Variants in CTSC observed in about 807,000 individuals in gnomAD.
The protein encoded by CTSC is cathepsin C.
Under a neutral mutation model 40.9 loss-of-function variants are expected in CTSC, and 37 were observed. That is an observed-to-expected ratio of 0.91 (90% confidence interval 0.70 to 1.19). The LOEUF is 1.19. Among genes scored for constraint, CTSC ranks in the 50% most tolerant of loss-of-function variants. The pLI, the probability that CTSC is intolerant of heterozygous loss-of-function variation, is 0.00. For missense variants in CTSC, 594 were observed against 567.3 expected (o/e 1.05, Z -0.48); for synonymous variants, 232 against 207.4 (o/e 1.12, Z -1.02).
At chr11:88,331,544 CATG>C (rs1459171073) in intron 2 of CTSC, among the ~76,000 whole-genome samples, 3 of 152,232 alleles carry the variant, frequency 2.0e-5, no homozygotes, top group Non-Finnish European at 4.4e-5. Context: ...ACCCTTCCAG[CATG>C]ATGAGTTCTT....
intron 4 of CTSC, among the ~76,000 whole-genome samples, chr11:88,303,897 G>A (rs1176520609): frequency 6.6e-6 from 1 of 152,020 alleles, no homozygotes; most frequent in African/African-American, 2.4e-5. Context: ...GCAGGTGAGA[G>A]GAGGGCGGAA....
intron 3 of CTSC, among the ~76,000 whole-genome samples, chr11:88,310,837 T>C (rs956609384): frequency 1.3e-5 from 2 of 152,214 alleles, no homozygotes; most frequent in Non-Finnish European, 2.9e-5. Flanking sequence ...ACTTTTGAGA[T>C]ATTTTCCCAC....
Position 88,294,334 on chromosome 11 carries a change from C to G in CTSC, c.1064G>C (p.Cys355Ser), listed in dbSNP as rs754766779. The G allele has an allele frequency of 1.2e-6, 2 of 1,614,154 alleles. No homozygotes were observed. Among genetic ancestry groups the G allele is most frequent in the East Asian group, 4.5e-5 (2 of 44,868 alleles). Residue 355 changes from cysteine to serine, a missense_variant, in exon 7 of 7, where the codon TGC becomes TCC. Cys to Ser is a moderately radical substitution (Grantham distance 112). Transcript: ENST00000227266. ...CTCAAGCTTCATCAGGGCTTCATTGCAGCCTCCATAGAAACCTCCTACATA... is the reference window on the plus strand; with the variant it reads ...CTCAAGCTTCATCAGGGCTTCATTGGAGCCTCCATAGAAACCTCCTACATA... ...YHYVGGFYGG[C>S]NEALMKLELV...
intron 2 of CTSC, among the ~76,000 whole-genome samples, chr11:88,320,031 T>C (rs1937963097): frequency 6.6e-6 from 1 of 152,146 alleles, no homozygotes; most frequent in Admixed American, 6.5e-5. Flanking sequence ...GCCAAATCCA[T>C]CAGAGTGTCA....
intron 2 of CTSC, among the ~76,000 whole-genome samples, chr11:88,318,686 A>G (rs1049613480): frequency 1.2e-4 from 18 of 152,194 alleles, no homozygotes; most frequent in Admixed American, 5.9e-4. Context: ...CGGGTGGATC[A>G]CCTGAAGTCG....
intron 2 of CTSC, among the ~76,000 whole-genome samples, chr11:88,332,705 G>C (rs1298739655): frequency 6.6e-6 from 1 of 152,174 alleles, no homozygotes; most frequent in Non-Finnish European, 1.5e-5. Flanking sequence ...GACCAGAGTG[G>C]TTGATTTTTC....
At chr11:88,319,496 T>C (rs1343766028) in intron 2 of CTSC, among the ~76,000 whole-genome samples, 1 of 152,108 alleles carries the variant, frequency 6.6e-6, no homozygotes, top group Non-Finnish European at 1.5e-5. Context: ...TTAAAACACA[T>C]CAGAAAATTT....
At chr11:88,303,421 C>T (rs217119) in intron 4 of CTSC, among the ~76,000 whole-genome samples, 23,897 of 152,214 alleles carry the variant, frequency 0.16, 2,569 homozygotes, top group African/African-American at 0.29. Context: ...ATGTGGGGAT[C>T]CTATGACACC....
At chr11:88,324,511 T>C (rs969090366) in intron 2 of CTSC, 1 of 981,272 alleles carries the variant, frequency 1.0e-6, no homozygotes, top group Non-Finnish European at 1.2e-6. Context: ...ACAAAATTAA[T>C]TCTTTGTAAG....
intron 2 of CTSC, chr11:88,328,226 T>C (rs1190143743): frequency 6.7e-7 from 1 of 1,490,856 alleles, no homozygotes; most frequent in Non-Finnish European, 9.4e-7. Context: ...GTAAACTGAG[T>C]CATTATGTTG....
chr11:88,328,797 T>C (rs1938263593), intron 2 of CTSC, among the ~76,000 whole-genome samples: 1 of 152,106 alleles, frequency 6.6e-6, no homozygotes, highest in African/African-American at 2.4e-5. Flanking sequence ...CCGGCTACTT[T>C]TTGTATTTTT....
At chr11:88,307,418 T>A (rs925562505) in intron 4 of CTSC, among the ~76,000 whole-genome samples, 4 of 152,178 alleles carry the variant, frequency 2.6e-5, no homozygotes, top group African/African-American at 4.8e-5. Flanking sequence ...AATTTTTTTT[T>A]AAATTATCTA....
chr11:88,319,479 T>A (rs1241691406), intron 2 of CTSC, among the ~76,000 whole-genome samples: 1 of 152,170 alleles, frequency 6.6e-6, no homozygotes, highest in African/African-American at 2.4e-5. Context: ...TGAAATTCTT[T>A]AAGATTTTAA....
At chr11:88,327,401 A>AGAATATTATGTTAAAATGCAAGGAAGGGT (rs1368152464) in intron 2 of CTSC, among the ~76,000 whole-genome samples, 49 of 152,342 alleles carry the variant, frequency 3.2e-4, no homozygotes, top group African/African-American at 1.2e-3. Flanking sequence ...AAAAGGGGAA[A>AGAATATTATGTTAAAATGCAAGGAAGGGT]GAATATTATG....
chr11:88,326,418 C>A (rs983261133), intron 2 of CTSC: 16 of 1,613,486 alleles, frequency 9.9e-6, no homozygotes, highest in Non-Finnish European at 1.4e-5. Context: ...TTAAAAGAGT[C>A]CCTCAACAGA....
intron 2 of CTSC, among the ~76,000 whole-genome samples, chr11:88,317,692 T>C (rs539806592): frequency 6.6e-6 from 1 of 152,290 alleles, no homozygotes; most frequent in South Asian, 2.1e-4. Context: ...AATTAAGAAG[T>C]TGAAGTTTTG....
intron 4 of CTSC, among the ~76,000 whole-genome samples, chr11:88,306,962 C>T (rs1025548019): frequency 6.6e-6 from 1 of 152,224 alleles, no homozygotes; most frequent in Non-Finnish European, 1.5e-5. Flanking sequence ...GCACCTGCCC[C>T]TCTGCATGCT....
In CTSC at chr11:88,294,507, G is replaced by A. The variant is rs1383600508; in HGVS notation, c.891C>T (p.Gly297=). 10 of 1,613,972 alleles carry A rather than the reference G, an allele frequency of 6.2e-6. No homozygotes were observed. In the East Asian group the frequency reaches 6.7e-5, roughly 11 times the overall value. ...TAAGGTATGGGAAGCCGCCTTCACAGCCTGAAGATGAATAACACACATGGT... is the reference window on the plus strand; with the variant it reads ...TAAGGTATGGGAAGCCGCCTTCACAACCTGAAGATGAATAACACACATGGT... ...EVVSCSQYAQ[G]CEGGFPYLIA... is the part of the protein sequence containing the mutation. Residue 297 remains glycine, a splice_region_variant and synonymous_variant, in exon 7 of 7, where the codon GGC becomes GGT. Transcript: ENST00000227266.
At chr11:88,326,080 A>G (rs760147818) in intron 2 of CTSC, 298 of 1,179,580 alleles carry the variant, frequency 2.5e-4, no homozygotes, top group Non-Finnish European at 3.1e-4. Context: ...GAGAAAAAGA[A>G]CAACGTGTTG....
Sources: allele counts gnomAD v4.1 joint callset (sites outside exome capture counted in the v4.1 genomes callset), GRCh38; gene constraint gnomAD v4.1.1; transcripts MANE v1.5; gene names NCBI Gene and HGNC (gene_info 2026-07-23, HGNC 2026-07-21).